Variants in PTPRZ1 observed in about 807,000 individuals in gnomAD.
The protein encoded by PTPRZ1 is protein tyrosine phosphatase receptor type Z1.
PTPRZ1 carries 82 observed loss-of-function variants against 214.1 expected under a neutral mutation model. The ratio of observed to expected loss-of-function variants is 0.38; its 90% confidence interval spans 0.32 to 0.46. The LOEUF is 0.46. Among genes scored for constraint, PTPRZ1 ranks in the 20% least tolerant of loss-of-function variants. PTPRZ1 has a pLI of 1.00. For synonymous variants in PTPRZ1, 945 were observed against 987.9 expected (o/e 0.96, Z 0.81); for missense variants, 2,603 against 2,748.7 (o/e 0.95, Z 1.19).
chr7:122,005,082 A>G (rs891553638), intron 11 of PTPRZ1, among the ~76,000 whole-genome samples: 2 of 151,992 alleles, frequency 1.3e-5, no homozygotes, highest in Admixed American at 6.6e-5. Flanking sequence ...ATGTGGCCCA[A>G]AATATAAATT....
At chr7:122,033,294 A>T (rs1319014488) in intron 15 of PTPRZ1, among the ~76,000 whole-genome samples, 1 of 151,938 alleles carries the variant, frequency 6.6e-6, no homozygotes, top group Non-Finnish European at 1.5e-5. Context: ...AGAAGCCTTA[A>T]AAGGTTATGT....
intron 1 of PTPRZ1, among the ~76,000 whole-genome samples, chr7:121,910,665 G>C (rs1003463863): frequency 2.6e-5 from 4 of 152,274 alleles, no homozygotes; most frequent in African/African-American, 9.6e-5. Context: ...AGAAAAAAGA[G>C]AAGGTGGGAC....
intron 1 of PTPRZ1, among the ~76,000 whole-genome samples, chr7:121,927,927 G>C (rs971363347): frequency 3.3e-5 from 5 of 152,138 alleles, no homozygotes; most frequent in African/African-American, 9.7e-5. Context: ...GTTTCTGCCT[G>C]AATGTCAGCA....
intron 10 of PTPRZ1, among the ~76,000 whole-genome samples, chr7:122,000,385 G>A (rs1165699812): frequency 2.0e-5 from 3 of 151,638 alleles, no homozygotes; most frequent in Non-Finnish European, 4.4e-5. Context: ...GTGCCTACAA[G>A]ATTAGTGAAT....
intron 8 of PTPRZ1, among the ~76,000 whole-genome samples, chr7:121,989,713 C>G (rs1010223918): frequency 6.6e-6 from 1 of 152,130 alleles, no homozygotes; most frequent in Non-Finnish European, 1.5e-5. Context: ...TCCTTCGGAA[C>G]TGAATTTGAG....
chr7:121,879,476 G>A (rs865910353), intron 1 of PTPRZ1, among the ~76,000 whole-genome samples: 4 of 152,158 alleles, frequency 2.6e-5, no homozygotes, highest in East Asian at 1.9e-4. Flanking sequence ...CAAGAAGGCC[G>A]TAAGAGATAG....
chr7:121,880,458 G>A (rs1212032629), intron 1 of PTPRZ1, among the ~76,000 whole-genome samples: 1 of 152,078 alleles, frequency 6.6e-6, no homozygotes, highest in Non-Finnish European at 1.5e-5. Flanking sequence ...AGCACTTACT[G>A]GATAAATTTT....
chr7:121,910,935 G>A (rs1443412467), intron 1 of PTPRZ1, among the ~76,000 whole-genome samples: 2 of 152,090 alleles, frequency 1.3e-5, no homozygotes, highest in African/African-American at 4.8e-5. Context: ...CATAGTCATG[G>A]AAAATAAAGT....
chr7:121,885,973 G>C (rs960401289), intron 1 of PTPRZ1, among the ~76,000 whole-genome samples: 2 of 152,108 alleles, frequency 1.3e-5, no homozygotes, highest in Non-Finnish European at 2.9e-5. Context: ...ACATGGGTTG[G>C]GTCTTCTACT....
chr7:122,042,595 GTCTTC>G lies in PTPRZ1; in HGVS notation c.5802-7_5802-3del. ...TTAACATTGAAATATTTATTTCTTG[GTCTTC>G]TCTTCAGTGCTGGAGTTGGAAGAAC... On this transcript the variant is annotated splice_region_variant and splice_polypyrimidine_tract_variant and intron_variant, in intron 21 of 29. Transcript: ENST00000393386. 2 of 1,558,992 alleles carry G rather than the reference GTCTTC, an allele frequency of 1.3e-6. No homozygotes were observed. The highest frequency in any genetic ancestry group is 1.2e-5 in the South Asian group (1 of 83,908).
chr7:121,974,656 T>A (rs111617198), intron 4 of PTPRZ1, among the ~76,000 whole-genome samples: 1 of 152,088 alleles, frequency 6.6e-6, no homozygotes, highest in African/African-American at 2.4e-5. Context: ...CCCAGCTAAT[T>A]TTTTCTATCT....
At chr7:122,035,059 G>A (rs1412059789) in intron 17 of PTPRZ1, among the ~76,000 whole-genome samples, 1 of 151,218 alleles carries the variant, frequency 6.6e-6, no homozygotes, top group African/African-American at 2.4e-5. Context: ...ATTCATCTTC[G>A]TGCTCCCTCC....
chr7:121,917,188 G>A (rs75228248), intron 1 of PTPRZ1, among the ~76,000 whole-genome samples: 143 of 152,274 alleles, frequency 9.4e-4, no homozygotes, highest in African/African-American at 3.3e-3. Flanking sequence ...AGATTTTTAT[G>A]TACCGATAAA....
At chr7:121,934,265 G>A (rs902581270) in intron 2 of PTPRZ1, among the ~76,000 whole-genome samples, 2 of 152,026 alleles carry the variant, frequency 1.3e-5, no homozygotes, top group African/African-American at 2.4e-5. Context: ...CCGTAGCTTC[G>A]TGTAGTCACC....
At chr7:122,016,661 A>T (rs1798848955) in intron 12 of PTPRZ1, among the ~76,000 whole-genome samples, 1 of 151,834 alleles carries the variant, frequency 6.6e-6, no homozygotes, top group Admixed American at 6.6e-5. Context: ...TGTATATGGT[A>T]TATTTACATA....
At chr7:122,042,032 C>T (rs993555394) in intron 21 of PTPRZ1, among the ~76,000 whole-genome samples, 7 of 152,234 alleles carry the variant, frequency 4.6e-5, no homozygotes, top group African/African-American at 1.4e-4. Context: ...TTCTGTCCCT[C>T]TGCTAGAGGC....
At chr7:121,963,798 A>G (rs898260354) in intron 2 of PTPRZ1, among the ~76,000 whole-genome samples, 3 of 152,192 alleles carry the variant, frequency 2.0e-5, no homozygotes, top group South Asian at 4.1e-4. Context: ...CCATCCCAAG[A>G]ACATGGTCAC....
intron 2 of PTPRZ1, among the ~76,000 whole-genome samples, chr7:121,963,006 G>C (rs1422115821): frequency 6.6e-6 from 1 of 151,544 alleles, no homozygotes; most frequent in African/African-American, 2.4e-5. Context: ...TTTTCTGTTT[G>C]TTGGTTTTTC....
intron 3 of PTPRZ1, among the ~76,000 whole-genome samples, chr7:121,971,679 C>A (rs1330753746): frequency 6.6e-6 from 1 of 152,146 alleles, no homozygotes; most frequent in Non-Finnish European, 1.5e-5. Context: ...TAGTATAGTT[C>A]ATGGTACATC....
Sources: gnomAD v4.1 joint callset for allele counts (sites outside exome capture counted in the v4.1 genomes callset) on GRCh38, gnomAD v4.1.1 for gene constraint, MANE v1.5 for transcripts, NCBI Gene and HGNC (gene_info 2026-07-23, HGNC 2026-07-21) for gene names.